Variants in TRMO observed in about 807,000 individuals in gnomAD.
TRMO encodes the protein tRNA (adenine(37)-N6)-methyltransferase.
TRMO carries 30 observed loss-of-function variants against 37.2 expected under a neutral mutation model. The observed-to-expected ratio is 0.81, with a 90% confidence interval of 0.60 to 1.09. The LOEUF is 1.09. TRMO is among the 50% of genes least tolerant of loss of function. The probability of loss-of-function intolerance (pLI) is 0.00; values close to 1 mark genes in which losing one functional copy is unlikely to be tolerated. For synonymous variants in TRMO, 239 were observed against 199.4 expected (o/e 1.20, Z -1.67); for missense variants, 552 against 549.5 (o/e 1.00, Z -0.05).
At chr9:97,917,412 G>GT (rs1388553251) in intron 1 of TRMO, among the ~76,000 whole-genome samples, 2 of 152,198 alleles carry the variant, frequency 1.3e-5, no homozygotes, top group African/African-American at 4.8e-5. Flanking sequence ...CATGTGGGCA[G>GT]TTTTTCTGTC....
At position 97,907,994 on chromosome 9, in the gene TRMO, A is replaced by T. The variant is rs114017020; in HGVS notation, c.1066+1966T>A. Among the ~76,000 whole-genome samples, 916 of 152,260 alleles carry T rather than the reference A, an allele frequency of 6.0e-3. 13 individuals carry two copies. Among genetic ancestry groups the T allele is most frequent in the African/African-American group, 0.021 (870 of 41,548 alleles). The stretch of plus-strand genomic sequence containing the variant: ...ACTGGGGCCACCTATTTAAAATTGC[A>T]ACAGGCTAGGTGCAGTGGCTCACAC... On this transcript the variant is annotated intron_variant, in intron 4 of 4. Coordinates refer to ENST00000375119, the MANE Select transcript of TRMO (RefSeq NM_016481.5).
intron 4 of TRMO, 42 bp from the exon 5 acceptor site, chr9:97,905,034 G>T (rs1825800273): frequency 6.3e-7 from 1 of 1,591,760 alleles, no homozygotes; most frequent in Non-Finnish European, 8.6e-7. Flanking sequence ...CTATCATGCA[G>T]GTTGAATTTA....
chr9:97,913,534 AT>A lies in TRMO; in HGVS notation c.275del (p.Asn92MetfsTer4). On this transcript the variant is annotated frameshift_variant, in exon 3 of 5. Coordinates refer to ENST00000375119, the MANE Select transcript of TRMO (RefSeq NM_016481.5). LOFTEE classifies it high-confidence loss of function. ...HVWILFVFHK[N>X]GHLSCKAKVQ... ...CTTTTGCCTTACAGCTCAAATGACC[AT>A]TTTTGTGAAAAACAAACAAAATCCT... 1 of 1,609,276 alleles carries A rather than the reference AT, an allele frequency of 6.2e-7. No individual in the cohort carries two copies. Among genetic ancestry groups the A allele is most frequent in the Non-Finnish European group, 8.5e-7 (1 of 1,177,558 alleles).
intron 3 of TRMO, chr9:97,911,083 TG>T: frequency 2.8e-6 from 1 of 351,772 alleles, no homozygotes; most frequent in South Asian, 2.1e-5. Context: ...GTGGGACCAA[TG>T]AAGGTTCTTA....
At chr9:97,919,439 GAAAGAAAGGAAAGA>G (rs1241833622) in intron 1 of TRMO, among the ~76,000 whole-genome samples, 1 of 135,196 alleles carries the variant, frequency 7.4e-6, no homozygotes, top group Non-Finnish European at 1.7e-5. Context: ...GGAGGAAAGG[GAAAGAAAGGAAAGA>G]AAAGAAAAGA....
At position 97,918,236 on chromosome 9, in the gene TRMO, A is replaced by T. The variant is rs897933240; in HGVS notation, c.77-1898T>A. ...TCTCTACTAGAAGTACAAAAAAAAA[A>T]AATAATTAGCCAGGCATGGTGGTGC... is the stretch of plus-strand genomic sequence containing the variant. On this transcript the variant is annotated intron_variant, in intron 1 of 4. Coordinates refer to ENST00000375119, the MANE Select transcript of TRMO (RefSeq NM_016481.5). Among the ~76,000 whole-genome samples the T allele has an allele frequency of 3.3e-4, 50 of 151,186 alleles. 1 individual carries two copies. The highest frequency in any genetic ancestry group is 8.4e-4 in the South Asian group (4 of 4,742).
At position 97,904,794 on chromosome 9, in the gene TRMO, G is replaced by A. The variant is rs753673780; in HGVS notation, c.1265C>T (p.Pro422Leu). The change falls in exon 5 of 5, where the codon CCG (proline) becomes CTG (leucine). Residue 422 changes from proline to leucine, a missense_variant. Transcript: ENST00000375119. Reference protein sequence around the residue: ...DGFAEVLRIKPASEPVHMTGP... With the variant: ...DGFAEVLRIKLASEPVHMTGP... ...AGTCATATGAACAGGCTCAGAAGCCGGCTTGATCCTCAGCACCTCTGCAAA... is the reference window on the plus strand; with the variant it reads ...AGTCATATGAACAGGCTCAGAAGCCAGCTTGATCCTCAGCACCTCTGCAAA... The A allele has an allele frequency of 2.9e-5, 46 of 1,614,020 alleles. 1 individual carries two copies. The highest frequency in any genetic ancestry group is 1.9e-4 in the South Asian group (17 of 91,088).
intron 4 of TRMO, 36 bp from the exon 5 acceptor site, chr9:97,905,028 C>T (rs908056231): frequency 1.3e-6 from 2 of 1,597,108 alleles, no homozygotes; most frequent in Non-Finnish European, 1.7e-6. Flanking sequence ...TGAGCACTAT[C>T]ATGCAGGTTG....
Position 97,910,503 on chromosome 9 carries a change from C to T in TRMO, c.523G>A (p.Asp175Asn). The T allele has an allele frequency of 6.2e-7, 1 of 1,614,198 alleles. No individual in the cohort carries two copies. Among genetic ancestry groups the T allele is most frequent in the Non-Finnish European group, 8.5e-7 (1 of 1,180,050 alleles). ...SPQNVMEPLA[D>N]FNLQNNQHTP... ...TGTTGGTTATTCTGTAAATTAAAGT[C>T]TGCTAAAGGCTCCATCACATTTTGC... The change falls in exon 4 of 5, where the codon GAC becomes AAC. Residue 175 changes from aspartate to asparagine, a missense_variant. Asp to Asn is a conservative substitution (Grantham distance 23, BLOSUM62 1). Transcript: ENST00000375119.
chr9:97,915,735 C>T (rs1237430962), intron 2 of TRMO: 1 of 152,620 alleles, frequency 6.6e-6, no homozygotes, highest in Non-Finnish European at 1.5e-5. Flanking sequence ...TGTTCACAGT[C>T]AGTTACAGAT....
chr9:97,903,850 T>C (rs1825741403), downstream of TRMO, among the ~76,000 whole-genome samples: 1 of 152,100 alleles, frequency 6.6e-6, no homozygotes, highest in Non-Finnish European at 1.5e-5. Flanking sequence ...TCCCAGCACT[T>C]TGGGAGGCTG....
chr9:97,900,774 G>C, downstream of TRMO: 1 of 975,066 alleles, frequency 1.0e-6, no homozygotes, highest in Non-Finnish European at 1.2e-6. Flanking sequence ...TGCTTTCTCT[G>C]GGACTGTAGC....
chr9:97,911,387 A>T (rs1240792450), intron 3 of TRMO: 2 of 152,962 alleles, frequency 1.3e-5, no homozygotes, highest in African/African-American at 2.4e-5. Flanking sequence ...GCCAACAACC[A>T]GCAAGAATCT....
At chr9:97,911,712 T>C (rs753211305) in intron 3 of TRMO, 5 of 152,150 alleles carry the variant, frequency 3.3e-5, no homozygotes, top group Admixed American at 1.3e-4. Flanking sequence ...AGCACATAAG[T>C]CAGCATTACC....
At chr9:97,913,058 A>G (rs1826199076) in intron 3 of TRMO, 1 of 603,676 alleles carries the variant, frequency 1.7e-6, no homozygotes, top group Non-Finnish European at 2.8e-6. Flanking sequence ...TTAAATTGGA[A>G]AGTGTCCATT....
chr9:97,900,693 T>C (rs1831150198), downstream of TRMO: 4 of 824,530 alleles, frequency 4.9e-6, no homozygotes, highest in Admixed American at 1.9e-4. Flanking sequence ...GAAAAGCACA[T>C]AGTCCAGTTC....
the TRMO span, among the ~76,000 whole-genome samples, chr9:97,898,680 GC>G: frequency 2.6e-5 from 4 of 151,752 alleles, no homozygotes; most frequent in African/African-American, 9.7e-5. Flanking sequence ...GAGCTGCCGT[GC>G]CCCACCAGGA....
In TRMO at chr9:97,920,511, C is replaced by T. The variant is rs1036060142; in HGVS notation, c.76+1907G>A. 2.0e-5 allele frequency among the ~76,000 whole-genome samples: 3 copies of T among 152,208 alleles called. No homozygotes were observed. The South Asian group carries it at 6.2e-4, about 31-fold the overall frequency. On this transcript the variant is annotated intron_variant, in intron 1 of 4. Transcript: ENST00000375119. ...AAGGGATACTACCTACTTTGGAAAGCTGTAAAAGTACTAATAAAATAGGAA... is the reference window on the plus strand; with the variant it reads ...AAGGGATACTACCTACTTTGGAAAGTTGTAAAAGTACTAATAAAATAGGAA...
At chr9:97,916,016 G>A in intron 2 of TRMO, 148 bp downstream of exon 2, 2 of 550,410 alleles carry the variant, frequency 3.6e-6, no homozygotes, top group East Asian at 3.1e-5. Flanking sequence ...ACTCCAACCT[G>A]GGTGACAGAG....
Sources: gnomAD v4.1 joint callset for allele counts (sites outside exome capture counted in the v4.1 genomes callset) on GRCh38, gnomAD v4.1.1 for gene constraint, MANE v1.5 for transcripts, NCBI Gene and HGNC (gene_info 2026-07-23, HGNC 2026-07-21) for gene names.